Variants in PRIM2 observed in about 807,000 individuals in gnomAD.
The protein encoded by PRIM2 is DNA primase subunit 2.
In PRIM2, 39 loss-of-function variants were observed where a neutral mutation model predicts 67.3. The ratio of observed to expected loss-of-function variants is 0.58; its 90% CI spans 0.45 to 0.76. The LOEUF is 0.76. Ranked by LOEUF, PRIM2 falls within the 30% of genes least tolerant of loss-of-function variation. The probability of loss-of-function intolerance (pLI) is 0.00; values close to 1 mark genes in which losing one functional copy is unlikely to be tolerated. For missense variants in PRIM2, 398 were observed against 598.7 expected (o/e 0.66, Z 3.50); for synonymous variants, 143 against 198.7 (o/e 0.72, Z 2.36).
chr6:57,278,644 C>A, the PRIM2 span, among the ~76,000 whole-genome samples: 2 of 152,068 alleles, frequency 1.3e-5, no homozygotes, highest in African/African-American at 4.8e-5. Context: ...CAATATAATA[C>A]ACAATCAGGA....
At chr6:57,596,915 G>A (rs1432706390) in intron 10 of PRIM2, among the ~76,000 whole-genome samples, 90 of 152,246 alleles carry the variant, frequency 5.9e-4, no homozygotes, top group African/African-American at 1.9e-3. Context: ...AACTTACAAT[G>A]ATTTGGCAAG....
chr6:57,325,305 CTT>C (rs11398927), intron 4 of PRIM2, among the ~76,000 whole-genome samples: 1 of 141,948 alleles, frequency 7.0e-6, no homozygotes, highest in Non-Finnish European at 1.5e-5. Context: ...CTCTCTCTCT[CTT>C]TTTTTTTTTT....
intron 10 of PRIM2, among the ~76,000 whole-genome samples, chr6:57,573,594 A>C (rs1489097666): frequency 6.6e-6 from 1 of 152,194 alleles, no homozygotes; most frequent in Non-Finnish European, 1.5e-5. Context: ...GGTAATTTAA[A>C]GATCACTCAT....
At chr6:57,271,056 C>T in the PRIM2 span, among the ~76,000 whole-genome samples, 3 of 152,058 alleles carry the variant, frequency 2.0e-5, no homozygotes, top group Non-Finnish European at 4.4e-5. Flanking sequence ...ATTTTTGCAT[C>T]GATGTTCATC....
At chr6:57,310,396 G>A (rs1361634596), upstream of PRIM2, among the ~76,000 whole-genome samples, 1 of 152,200 alleles carries the variant, frequency 6.6e-6, no homozygotes, top group Non-Finnish European at 1.5e-5. Context: ...AGCATCCCAA[G>A]GCAGAAGAAT....
intron 5 of PRIM2, among the ~76,000 whole-genome samples, chr6:57,354,617 G>A (rs1318728557): frequency 2.0e-5 from 3 of 152,110 alleles, no homozygotes; most frequent in Non-Finnish European, 4.4e-5. Context: ...GGCAGATGCT[G>A]ATTATCTGCA....
At chr6:57,231,061 G>C in the PRIM2 span, among the ~76,000 whole-genome samples, 1 of 152,162 alleles carries the variant, frequency 6.6e-6, no homozygotes, top group Non-Finnish European at 1.5e-5. Flanking sequence ...GAAATGTGTA[G>C]GTACATTTTT....
the PRIM2 span, among the ~76,000 whole-genome samples, chr6:57,290,106 G>C: frequency 3.5e-5 from 5 of 141,274 alleles, no homozygotes; most frequent in Non-Finnish European, 7.6e-5. Context: ...GATGGAGGAA[G>C]ATCTACCAAG....
intron 10 of PRIM2, among the ~76,000 whole-genome samples, chr6:57,594,988 G>T (rs1206122823): frequency 1.4e-4 from 22 of 152,248 alleles, no homozygotes; most frequent in African/African-American, 4.6e-4. Flanking sequence ...CATAAAATAA[G>T]GAATATCACT....
intron 10 of PRIM2, among the ~76,000 whole-genome samples, chr6:57,569,371 TAGGA>T (rs1775818466): frequency 6.6e-6 from 1 of 152,236 alleles, no homozygotes; most frequent in Non-Finnish European, 1.5e-5. Context: ...CTTTTGATAG[TAGGA>T]AAAGTTGCAG....
At chr6:57,296,980 T>C in the PRIM2 span, among the ~76,000 whole-genome samples, 1 of 151,884 alleles carries the variant, frequency 6.6e-6, no homozygotes, top group South Asian at 2.1e-4. Context: ...AACAAAATAA[T>C]ACATAAGGAG....
intron 8 of PRIM2, among the ~76,000 whole-genome samples, chr6:57,507,669 T>G (rs1774278394): frequency 6.6e-6 from 1 of 152,136 alleles, no homozygotes; most frequent in African/African-American, 2.4e-5. Flanking sequence ...TCAACAACAG[T>G]GTGCTGAACT....
the PRIM2 span, chr6:57,222,129 G>A: frequency 6.6e-6 from 1 of 152,264 alleles, no homozygotes; most frequent in Non-Finnish European, 1.5e-5. Flanking sequence ...CTCTCCCTGC[G>A]GGGCCGAGCG....
the PRIM2 span, among the ~76,000 whole-genome samples, chr6:57,293,950 C>CA: frequency 1.3e-5 from 2 of 152,026 alleles, no homozygotes; most frequent in East Asian, 3.9e-4. Context: ...ATGCACCCTA[C>CA]AACTTAAAAG....
At chr6:57,578,676 GTTTTT>G (rs1171202485) in intron 10 of PRIM2, among the ~76,000 whole-genome samples, 1 of 101,342 alleles carries the variant, frequency 9.9e-6, no homozygotes, top group Non-Finnish European at 2.0e-5. Context: ...TTTGTTTTTT[GTTTTT>G]TTTTTTTTTT....
Position 57,627,279 on chromosome 6 carries a change from C to CAAAAAAAAAAA in PRIM2, c.1231-4835_1231-4825dup, listed in dbSNP as rs1158722297. 4.2e-3 allele frequency among the ~76,000 whole-genome samples: 103 copies of CAAAAAAAAAAA among 24,536 alleles called. 9 individuals carry two copies. The highest frequency in any genetic ancestry group is 5.5e-3 in the Non-Finnish European group (69 of 12,588). 16.1% of individuals were successfully genotyped at this position (24,536 alleles called of 152,430 possible). A position where few individuals can be genotyped will look rare whatever the true frequency, so the allele number is the denominator to read the frequency against. On this transcript the variant is annotated intron_variant, in intron 12 of 13. Coordinates refer to ENST00000615550, the MANE Select transcript of PRIM2 (RefSeq NM_000947.5). ...TGGGTGACAGAGTGAGACTCTGTCT[C>CAAAAAAAAAAA]AAAAAAAAAAAAAAAAAAAAAAAAA...
intron 5 of PRIM2, among the ~76,000 whole-genome samples, chr6:57,337,234 G>C (rs981402648): frequency 5.3e-5 from 8 of 152,012 alleles, no homozygotes; most frequent in Non-Finnish European, 1.0e-4. Context: ...CCTACAAAGA[G>C]ACTTAGACTC....
the PRIM2 span, among the ~76,000 whole-genome samples, chr6:57,223,826 A>C: frequency 1.3e-5 from 2 of 152,208 alleles, no homozygotes; most frequent in South Asian, 4.1e-4. Context: ...AATAAATATG[A>C]GTGTTGGCAA....
At chr6:57,583,029 C>T (rs1776125479) in intron 10 of PRIM2, among the ~76,000 whole-genome samples, 1 of 144,804 alleles carries the variant, frequency 6.9e-6, no homozygotes, top group Admixed American at 7.1e-5. Flanking sequence ...TGAGTGATAA[C>T]ATGTGGTGTT....
Sources: allele counts gnomAD v4.1 joint callset (sites outside exome capture counted in the v4.1 genomes callset), GRCh38; gene constraint gnomAD v4.1.1; transcripts MANE v1.5; gene names NCBI Gene and HGNC (gene_info 2026-07-23, HGNC 2026-07-21).